The following ABLIM1 variants were observed in gnomAD, a reference collection of about 807,000 sequenced individuals.
ABLIM1 encodes actin binding LIM protein 1.
Under a neutral mutation model 107.0 loss-of-function variants are expected in ABLIM1, and 40 were observed. The ratio of observed to expected loss-of-function variants is 0.37; its 90% CI spans 0.29 to 0.49. ABLIM1 has a LOEUF of 0.49. Ranked by LOEUF, ABLIM1 falls within the 20% of genes least tolerant of loss-of-function variation. The pLI is 0.97. For synonymous variants in ABLIM1, 357 were observed against 357.3 expected, an observed-to-expected ratio of 1.00 and a Z score of 0.01; for missense variants, 857 against 1,008.5, an observed-to-expected ratio of 0.85 and a Z score of 2.04.
rs544329350 is a variant in ABLIM1 at position 114,499,735 on chromosome 10, A to C, written c.895-7857T>G. ...GGGTGGATGAAGAGATGAGGAAGCC[A>C]AAGGGAGTAACAGAGATGTGCTGCT... On this transcript the variant is annotated intron_variant, in intron 6 of 22. Coordinates refer to ENST00000533213, the MANE Select transcript of ABLIM1 (RefSeq NM_002313.7). Among the ~76,000 whole-genome samples, 25 of 152,360 alleles carry C rather than the reference A, an allele frequency of 1.6e-4. 2 individuals carry two copies. The South Asian group carries it at 5.0e-3, about 30-fold the overall frequency.
chr10:114,547,504 T>G lies in ABLIM1; in HGVS notation c.800+146A>C, dbSNP rs1330975377. 4.5e-6 allele frequency: 5 copies of G among 1,109,428 alleles called. No homozygotes were observed. The East Asian group carries it at 1.3e-4, about 29-fold the overall frequency. 68.7% of individuals were successfully genotyped at this position (1,109,428 alleles called of 1,614,324 possible). ...AAAAGAATACAATTCTTTTCAAAAGTTTTATAGCAACAAGTTCATTATGAT... is the reference window on the plus strand; with the variant it reads ...AAAAGAATACAATTCTTTTCAAAAGGTTTATAGCAACAAGTTCATTATGAT... On this transcript the variant is annotated intron_variant, in intron 5 of 22. Coordinates refer to ENST00000533213, the MANE Select transcript of ABLIM1 (RefSeq NM_002313.7).
chr10:114,477,517 T>A (rs529525624), intron 8 of ABLIM1, among the ~76,000 whole-genome samples: 1 of 152,326 alleles, frequency 6.6e-6, no homozygotes, highest in African/African-American at 2.4e-5. Context: ...CAAGGATACT[T>A]TCAGCCTTTG....
chr10:114,541,100 C>T (rs2066599723), intron 6 of ABLIM1, among the ~76,000 whole-genome samples: 1 of 152,050 alleles, frequency 6.6e-6, no homozygotes, highest in Non-Finnish European at 1.5e-5. Flanking sequence ...AAGACAAAGC[C>T]AGAGATTGGG....
At position 114,760,404 on chromosome 10, in the gene ABLIM1, TCACACACACACACACACACA is replaced by T. The variant is rs3981296; in HGVS notation, c.-213+7637_-213+7656del. On this transcript the variant is annotated intron_variant, in intron 1 of 15. Coordinates refer to the ABLIM1 transcript ENST00000651092. The stretch of plus-strand genomic sequence containing the variant: ...TCTCAGCAAGAAGAAAATTTCTCCT[TCACACACACACACACACACA>T]CACACACACACACACACACACACAC... Among the ~76,000 whole-genome samples, 410 of 143,730 alleles carry T rather than the reference TCACACACACACACACACACA, an allele frequency of 2.9e-3. 2 individuals are homozygous for T. The highest frequency in any genetic ancestry group is 1.0e-2 in the African/African-American group (385 of 38,636). 94.3% of individuals were successfully genotyped at this position (143,730 alleles called of 152,430 possible). A position where few individuals can be genotyped will look rare whatever the true frequency, so the allele number is the denominator to read the frequency against.
rs59605861 is a variant in ABLIM1 at position 114,638,622 on chromosome 10, T to TACACAC, written c.244+19329_244+19334dup. Among the ~76,000 whole-genome samples the TACACAC allele has an allele frequency of 1.5e-3, 213 of 143,836 alleles. 1 individual carries two copies. The highest frequency in any genetic ancestry group is 4.5e-3 in the African/African-American group (175 of 39,074). 94.4% of individuals were successfully genotyped at this position (143,836 alleles called of 152,430 possible). ...AGAGCCTCTCGTCCCATGCCCTGCCTACACACACACACACACACACACACA... is the reference window on the plus strand; with the variant it reads ...AGAGCCTCTCGTCCCATGCCCTGCCTACACACACACACACACACACACACACACACA... On this transcript the variant is annotated intron_variant, in intron 1 of 22. Coordinates refer to ENST00000533213, the MANE Select transcript of ABLIM1 (RefSeq NM_002313.7).
At chr10:114,768,398 G>A (rs2082958756), upstream of ABLIM1, among the ~76,000 whole-genome samples, 1 of 151,168 alleles carries the variant, frequency 6.6e-6, no homozygotes, top group African/African-American at 2.4e-5. Context: ...CTGTCCCCGA[G>A]GAACGAGGGT....
chr10:114,533,821 C>A (rs1040859343), intron 6 of ABLIM1, among the ~76,000 whole-genome samples: 1 of 152,112 alleles, frequency 6.6e-6, no homozygotes, highest in Non-Finnish European at 1.5e-5. Flanking sequence ...GGACTATAGA[C>A]CCTCACCAAC....
At chr10:114,757,978 G>A (rs183656053) in intron 1 of ABLIM1, among the ~76,000 whole-genome samples, 20 of 152,078 alleles carry the variant, frequency 1.3e-4, no homozygotes, top group African/African-American at 4.6e-4. Flanking sequence ...CAGGGCCTTG[G>A]AATTGCTCAT....
chr10:114,512,043 C>T (rs773905803), intron 6 of ABLIM1, among the ~76,000 whole-genome samples: 77 of 152,190 alleles, frequency 5.1e-4, no homozygotes, highest in Non-Finnish European at 8.2e-4. Context: ...TTCCTTCTGT[C>T]CAATTAGGAC....
chr10:114,574,645 T>G (rs1454974760), intron 3 of ABLIM1, among the ~76,000 whole-genome samples: 1 of 152,110 alleles, frequency 6.6e-6, no homozygotes, highest in Non-Finnish European at 1.5e-5. Flanking sequence ...TTTCACCATG[T>G]TGGCCAGGCT....
At chr10:114,662,008 C>A (rs1281577548), upstream of ABLIM1, among the ~76,000 whole-genome samples, 1 of 152,188 alleles carries the variant, frequency 6.6e-6, no homozygotes, top group Non-Finnish European at 1.5e-5. Context: ...CACAAATGAA[C>A]ATGGACTTTA....
chr10:114,742,066 T>A (rs995644116), intron 1 of ABLIM1, among the ~76,000 whole-genome samples: 21 of 152,220 alleles, frequency 1.4e-4, no homozygotes, highest in African/African-American at 4.6e-4. Context: ...TGGACTTCGA[T>A]ACTTAAGAAT....
chr10:114,477,027 C>T (rs1397034492), intron 8 of ABLIM1, among the ~76,000 whole-genome samples: 1 of 152,030 alleles, frequency 6.6e-6, no homozygotes, highest in East Asian at 1.9e-4. Flanking sequence ...ATTATTATTC[C>T]TATTTTACAG....
chr10:114,759,783 CTAGAA>C, intron 1 of ABLIM1, among the ~76,000 whole-genome samples: 1 of 152,166 alleles, frequency 6.6e-6, no homozygotes, highest in African/African-American at 2.4e-5. Flanking sequence ...GGCATGCTGG[CTAGAA>C]ACACTACCAG....
chr10:114,786,952 G>A, the ABLIM1 span, among the ~76,000 whole-genome samples: 5 of 151,458 alleles, frequency 3.3e-5, no homozygotes, highest in African/African-American at 1.2e-4. Context: ...CTGCCTGGCC[G>A]CCCATCGTCT....
intron 1 of ABLIM1, among the ~76,000 whole-genome samples, chr10:114,622,310 G>T (rs144708332): frequency 6.8e-6 from 1 of 146,556 alleles, no homozygotes; most frequent in East Asian, 2.0e-4. Flanking sequence ...GCAATGGCAC[G>T]TTCATGGCTC....
chr10:114,718,364 C>G (rs550644323), intron 1 of ABLIM1, among the ~76,000 whole-genome samples: 184 of 152,278 alleles, frequency 1.2e-3, no homozygotes, highest in African/African-American at 3.9e-3. Context: ...CACGTTTTCT[C>G]TACTGTATAG....
intron 4 of ABLIM1, among the ~76,000 whole-genome samples, chr10:114,563,321 G>A (rs570078012): frequency 2.0e-5 from 3 of 152,304 alleles, no homozygotes; most frequent in East Asian, 1.9e-4. Context: ...TAGAGACAGA[G>A]AAAGCTTTGA....
chr10:114,439,066 C>A, intron 21 of ABLIM1, 110 bp downstream of exon 21: 2 of 1,344,782 alleles, frequency 1.5e-6, no homozygotes, highest in Non-Finnish European at 2.1e-6. Flanking sequence ...ACATGGCTCA[C>A]CTGAACACAC....
Sources: gnomAD v4.1 joint callset for allele counts (sites outside exome capture counted in the v4.1 genomes callset) on GRCh38, gnomAD v4.1.1 for gene constraint, MANE v1.5 for transcripts, NCBI Gene and HGNC (gene_info 2026-07-23, HGNC 2026-07-21) for gene names.